GGT1: variants seen among roughly 807,000 people sequenced by gnomAD.
GGT1 encodes the protein gamma-glutamyltransferase 1.
A neutral mutation model predicts 56.0 loss-of-function variants in GGT1; 21 were observed. The observed-to-expected ratio is 0.38, with a 90% CI of 0.27 to 0.54. The LOEUF is 0.54. Among genes scored for constraint, GGT1 ranks in the 20% least tolerant of loss-of-function variants. The pLI is 0.82. For synonymous variants in GGT1, 238 were observed against 342.6 expected, an observed-to-expected ratio of 0.69 and a Z score of 3.37; for missense variants, 466 against 787.0, an observed-to-expected ratio of 0.59 and a Z score of 4.88.
chr22:24,599,361 C>T (rs2045745421), upstream of GGT1: 1 of 146,716 alleles, frequency 6.8e-6, no homozygotes, highest in African/African-American at 2.5e-5. Flanking sequence ...AGCTGCCCCA[C>T]TCCAAAAAAA....
chr22:24,593,113 T>C (rs2045624301), upstream of GGT1: 2 of 1,026,528 alleles, frequency 1.9e-6, no homozygotes, highest in African/African-American at 1.7e-5. Flanking sequence ...CCGCCCCTAG[T>C]CGCCCCGCCT....
upstream of GGT1, among the ~76,000 whole-genome samples, chr22:24,594,113 C>T (rs1002179047): frequency 3.9e-5 from 6 of 152,146 alleles, no homozygotes; most frequent in Admixed American, 1.3e-4. Context: ...GGGTGAGGTA[C>T]GGACCCACCC....
chr22:24,611,671 C>T (rs555045197), intron 5 of GGT1, among the ~76,000 whole-genome samples: 16 of 152,150 alleles, frequency 1.1e-4, no homozygotes, highest in African/African-American at 3.6e-4. Context: ...GTGGTGCAAT[C>T]TCAGTTAACT....
At chr22:24,592,084 A>G (rs2045585274), upstream of GGT1, 1 of 344,594 alleles carries the variant, frequency 2.9e-6, no homozygotes, top group Non-Finnish European at 5.8e-6. Context: ...TCCTGCTCAC[A>G]GGATGGGGCA....
In GGT1 at chr22:24,605,480, G is replaced by A. The variant is rs868452329; in HGVS notation, c.-429+1953G>A. 5.7e-3 allele frequency among the ~76,000 whole-genome samples: 233 copies of A among 40,580 alleles called. 6 individuals are homozygous for A. Among genetic ancestry groups the A allele is most frequent in the Admixed American group, 8.8e-3 (17 of 1,938 alleles). 26.6% of individuals were successfully genotyped at this position (40,580 alleles called of 152,430 possible). ...TATATATAATATAATATTATATAAT[G>A]TGTATTATATATTATATAATATTAT... is the stretch of plus-strand genomic sequence containing the variant. On this transcript the variant is annotated intron_variant, in intron 1 of 15. Transcript: ENST00000400382.
At position 24,627,983 on chromosome 22, in the gene GGT1, T is replaced by C. The variant is rs757127174; in HGVS notation, c.1336+4T>C. 8.5e-6 allele frequency: 10 copies of C among 1,178,686 alleles called. No individual in the cohort carries two copies. The highest frequency in any genetic ancestry group is 1.1e-5 in the Non-Finnish European group (10 of 878,808). 73.0% of individuals were successfully genotyped at this position (1,178,686 alleles called of 1,614,324 possible). A position where few individuals can be genotyped will look rare whatever the true frequency, so the allele number is the denominator to read the frequency against. On this transcript the variant is annotated splice_donor_region_variant and intron_variant, in intron 13 of 15. Coordinates refer to ENST00000400382, the MANE Select transcript of GGT1 (RefSeq NM_001288833.2). ...CCTGCCAATTTCATCCAGCCAGGTA[T>C]GGGGTGGAGGTCCGGGGGTGGGGGA...
the GGT1 span, chr22:24,588,206 A>T: frequency 6.2e-7 from 1 of 1,606,460 alleles, no homozygotes; most frequent in Non-Finnish European, 8.5e-7. Flanking sequence ...TGGCTGGGCT[A>T]CCCTTACCAG....
At chr22:24,626,292 G>C (rs1340490587) in intron 11 of GGT1, among the ~76,000 whole-genome samples, 2 of 144,362 alleles carry the variant, frequency 1.4e-5, no homozygotes, top group African/African-American at 2.7e-5. Flanking sequence ...GGGATTACAG[G>C]CGTGAGCCAC....
chr22:24,592,038 C>G (rs945801175), upstream of GGT1, among the ~76,000 whole-genome samples: 6 of 152,224 alleles, frequency 3.9e-5, no homozygotes. Flanking sequence ...CATTTCTAAT[C>G]TACCTTCTGC....
At chr22:24,588,326 A>G in the GGT1 span, 1 of 1,611,206 alleles carries the variant, frequency 6.2e-7, no homozygotes, top group South Asian at 1.1e-5. Context: ...CAGAGCTCAT[A>G]GTCCTGTGGG....
At chr22:24,607,511 T>C (rs2046395675) in intron 1 of GGT1, 1 of 153,516 alleles carries the variant, frequency 6.5e-6, no homozygotes, top group Non-Finnish European at 1.5e-5. Flanking sequence ...GCACCTGCCA[T>C]CCAGGGCCCT....
At chr22:24,603,963 T>C (rs907644202) in intron 1 of GGT1, among the ~76,000 whole-genome samples, 3 of 151,604 alleles carry the variant, frequency 2.0e-5, no homozygotes, top group African/African-American at 7.3e-5. Context: ...ATATATATAG[T>C]TCTTTCGACA....
chr22:24,624,519 C>T, intron 11 of GGT1: 3 of 935,690 alleles, frequency 3.2e-6, no homozygotes, highest in Non-Finnish European at 3.8e-6. Context: ...CGTCAGCTGC[C>T]CAGGTGGTGT....
At chr22:24,617,213 G>C (rs2047127487) in intron 7 of GGT1, among the ~76,000 whole-genome samples, 1 of 152,188 alleles carries the variant, frequency 6.6e-6, no homozygotes, top group South Asian at 2.1e-4. Flanking sequence ...GATGGGGTCA[G>C]GGGAGTTATC....
chr22:24,615,235 T>C (rs543417122), intron 7 of GGT1, 108 bp downstream of exon 7: 3 of 725,080 alleles, frequency 4.1e-6, no homozygotes, highest in East Asian at 2.6e-5. Flanking sequence ...GGCAGTTCTG[T>C]CACCCCCCAT....
At position 24,605,952 on chromosome 22, in the gene GGT1, TATATA is replaced by T. The variant is rs1398856592; in HGVS notation, c.-428-1996_-428-1992del. On this transcript the variant is annotated intron_variant, in intron 1 of 15. Transcript: ENST00000400382. ...ATATTATATATAATATATAATATTA[TATATA>T]ATATATTACATATAATATATCATAT... is the stretch of plus-strand genomic sequence containing the variant. Among the ~76,000 whole-genome samples the T allele has an allele frequency of 4.8e-5, 4 of 83,270 alleles. No individual in the cohort carries two copies. In the East Asian group the frequency reaches 9.5e-4, roughly 20 times the overall value. The allele number at this position is 83,270 out of a possible 152,430, so 54.6% of individuals were successfully genotyped here.
intron 1 of GGT1, among the ~76,000 whole-genome samples, chr22:24,606,290 C>T (rs1255814616): frequency 1.3e-5 from 2 of 151,430 alleles, no homozygotes; most frequent in Non-Finnish European, 2.9e-5. Flanking sequence ...CTCCCCGTTC[C>T]CCTCACCCCA....
chr22:24,598,771 G>C (rs552363715), upstream of GGT1, among the ~76,000 whole-genome samples: 25 of 151,992 alleles, frequency 1.6e-4, no homozygotes, highest in Admixed American at 7.9e-4. Flanking sequence ...CAGGCTGGTC[G>C]TGAACTCCTG....
chr22:24,597,336 G>A (rs927087484), intron 1 of GGT1, among the ~76,000 whole-genome samples: 3 of 152,120 alleles, frequency 2.0e-5, no homozygotes, highest in African/African-American at 7.2e-5. Context: ...CTTATGTAGA[G>A]ACTCTATTTC....
Sources: gnomAD v4.1 joint callset for allele counts (sites outside exome capture counted in the v4.1 genomes callset) on GRCh38, gnomAD v4.1.1 for gene constraint, MANE v1.5 for transcripts, NCBI Gene and HGNC (gene_info 2026-07-23, HGNC 2026-07-21) for gene names.